Variants in NR5A2 observed in about 807,000 individuals in gnomAD.
NR5A2 encodes the protein nuclear receptor subfamily 5 group A member 2.
NR5A2 carries 26 observed loss-of-function variants against 62.7 expected under a neutral mutation model. The ratio of observed to expected loss-of-function variants is 0.41; its 90% CI spans 0.30 to 0.58. The LOEUF is 0.58. Ranked by LOEUF, NR5A2 falls within the 20% of genes least tolerant of loss-of-function variation. The pLI is 0.22. For missense variants in NR5A2, 541 were observed against 669.1 expected (o/e 0.81, Z 2.11); for synonymous variants, 246 against 241.7 (o/e 1.02, Z -0.16).
At chr1:200,111,597 G>A (rs539397239) in intron 6 of NR5A2, among the ~76,000 whole-genome samples, 14 of 152,290 alleles carry the variant, frequency 9.2e-5, no homozygotes, top group Admixed American at 2.6e-4. Flanking sequence ...TAAATGAAAC[G>A]TAATGATTAG....
intron 5 of NR5A2, among the ~76,000 whole-genome samples, chr1:200,077,246 T>C (rs546310441): frequency 6.6e-6 from 1 of 152,360 alleles, no homozygotes; most frequent in South Asian, 2.1e-4. Context: ...TTAAGGGTCA[T>C]ACAACAAAAT....
At chr1:200,029,243 G>A (rs1326581217) in intron 1 of NR5A2, 4 of 202,280 alleles carry the variant, frequency 2.0e-5, no homozygotes, top group South Asian at 8.2e-5. Context: ...GCGCTCGGGG[G>A]CTCGCGCCCG....
chr1:200,055,819 T>G (rs570056518), intron 5 of NR5A2, among the ~76,000 whole-genome samples: 1 of 152,358 alleles, frequency 6.6e-6, no homozygotes, highest in South Asian at 2.1e-4. Flanking sequence ...TCAAGGCACA[T>G]TAAGCCATCT....
intron 5 of NR5A2, among the ~76,000 whole-genome samples, chr1:200,053,856 A>G (rs1662781203): frequency 6.6e-6 from 1 of 152,150 alleles, no homozygotes; most frequent in African/African-American, 2.4e-5. Context: ...CTGGGCCTTG[A>G]GTTTCTGAAG....
At chr1:200,106,493 CTGA>C (rs1407915492) in intron 5 of NR5A2, among the ~76,000 whole-genome samples, 2 of 152,164 alleles carry the variant, frequency 1.3e-5, no homozygotes, top group Non-Finnish European at 2.9e-5. Flanking sequence ...AATAGTTTCT[CTGA>C]TAAGTAACTA....
intron 5 of NR5A2, among the ~76,000 whole-genome samples, chr1:200,066,668 ACC>A (rs1342217626): frequency 6.9e-6 from 1 of 145,136 alleles, no homozygotes; most frequent in Non-Finnish European, 1.5e-5. Flanking sequence ...GCTCACAGCA[ACC>A]TCTGCCTCCT....
intron 6 of NR5A2, among the ~76,000 whole-genome samples, chr1:200,119,913 CT>C (rs200964817): frequency 1.9e-3 from 269 of 143,726 alleles, no homozygotes; most frequent in Middle Eastern, 3.6e-3. Flanking sequence ...CCGGCCAGCA[CT>C]TTTTTTTTTT....
chr1:200,111,268 C>T lies in NR5A2; in HGVS notation c.1177C>T (p.Arg393Ter), dbSNP rs201357988. 3 of 1,611,686 alleles carry T rather than the reference C, an allele frequency of 1.9e-6. No individual in the cohort carries two copies. Among genetic ancestry groups the T allele is most frequent in the South Asian group, 1.1e-5 (1 of 91,028 alleles). ...GCTCTTAATCCTCGACCACATTTAC[C>T]GACAAGTGGTACATGGAAAGGAAGG... is the stretch of plus-strand genomic sequence containing the variant. Reference protein sequence around the residue: ...SELLILDHIYRQVVHGKEGSI... With the variant: ...SELLILDHIY The change falls in exon 6 of 8, where the codon CGA (arginine) becomes TGA (stop). Residue 393 changes from arginine to a stop codon, truncating the protein, a stop_gained. Coordinates refer to ENST00000367362, the MANE Select transcript of NR5A2 (RefSeq NM_205860.3). LOFTEE classifies it high-confidence loss of function.
At chr1:200,091,691 G>A (rs1571457796) in intron 5 of NR5A2, among the ~76,000 whole-genome samples, 1 of 152,014 alleles carries the variant, frequency 6.6e-6, no homozygotes, top group Non-Finnish European at 1.5e-5. Context: ...CACCATGTTG[G>A]TGAGGATGGT....
chr1:200,156,769 G>A (rs1031145627), intron 7 of NR5A2, among the ~76,000 whole-genome samples: 1 of 152,204 alleles, frequency 6.6e-6, no homozygotes, highest in African/African-American at 2.4e-5. Context: ...TATAAAATAA[G>A]TTTTTGGTTA....
intron 5 of NR5A2, among the ~76,000 whole-genome samples, chr1:200,085,588 T>C (rs1002835445): frequency 6.6e-6 from 1 of 151,332 alleles, no homozygotes; most frequent in Non-Finnish European, 1.5e-5. Flanking sequence ...TAGAGTGCAG[T>C]GTGCTAGAAT....
rs1400170285 is a variant in NR5A2, at chr1:200,059,233, G to A, written c.1110+10415G>A. Among the ~76,000 whole-genome samples the A allele has an allele frequency of 2.0e-5, 3 of 152,244 alleles. No homozygotes were observed. The East Asian group carries it at 5.8e-4, about 29-fold the overall frequency. On this transcript the variant is annotated intron_variant, in intron 5 of 7. Coordinates refer to ENST00000367362, the MANE Select transcript of NR5A2 (RefSeq NM_205860.3). ...GTTGCAGAGACTTCAGCCTCATTTTGCAAAACCAGGCTATATATAATTGGA... is the reference window on the plus strand; with the variant it reads ...GTTGCAGAGACTTCAGCCTCATTTTACAAAACCAGGCTATATATAATTGGA...
intron 5 of NR5A2, among the ~76,000 whole-genome samples, chr1:200,073,239 T>C (rs907765518): frequency 3.1e-4 from 20 of 65,202 alleles, no homozygotes; most frequent in East Asian, 6.9e-4. Context: ...TACATACATA[T>C]ATATATATAT....
chr1:200,170,664 G>A (rs1524163), intron 7 of NR5A2, among the ~76,000 whole-genome samples: 64,319 of 151,980 alleles, frequency 0.42, 13,913 homozygotes, highest in African/African-American at 0.52. Context: ...ACTGATTCCA[G>A]TCCAAATGAG....
intron 5 of NR5A2, among the ~76,000 whole-genome samples, chr1:200,090,932 C>T (rs534686635): frequency 8.5e-5 from 13 of 152,312 alleles, no homozygotes; most frequent in African/African-American, 3.1e-4. Context: ...TCAGCATTGT[C>T]TTAACCTGTG....
chr1:200,085,914 A>G (rs996751737), intron 5 of NR5A2, among the ~76,000 whole-genome samples: 3 of 152,222 alleles, frequency 2.0e-5, no homozygotes, highest in African/African-American at 7.2e-5. Flanking sequence ...TGCATTTGAT[A>G]TCTCTATACT....
In NR5A2 at chr1:200,034,783, C is replaced by CTTTTTTTTTTTT. The variant is rs767393832; in HGVS notation, c.65-4855_65-4844dup. ...GTTATTCACACGTGCAGCAGAAAGG[C>CTTTTTTTTTTTT]TTTTTTTTTTTTTTTTTTTTTTTTT... On this transcript the variant is annotated intron_variant, in intron 1 of 7. Coordinates refer to ENST00000367362, the MANE Select transcript of NR5A2 (RefSeq NM_205860.3). Among the ~76,000 whole-genome samples the CTTTTTTTTTTTT allele has an allele frequency of 3.8e-4, 27 of 71,280 alleles. 1 individual carries two copies. The highest frequency in any genetic ancestry group is 1.4e-3 in the African/African-American group (27 of 18,904). 46.8% of individuals were successfully genotyped at this position (71,280 alleles called of 152,430 possible).
intron 5 of NR5A2, among the ~76,000 whole-genome samples, chr1:200,073,278 ATATATATATATATTCCCCTT>A (rs1232728358): frequency 2.6e-4 from 27 of 102,958 alleles, no homozygotes; most frequent in African/African-American, 5.6e-4. Context: ...TTATATATAT[ATATATATATATATTCCCCTT>A]TATATATATA....
chr1:200,073,235 C>CATAT lies in NR5A2; in HGVS notation c.1110+24440_1110+24443dup, dbSNP rs3033980. Among the ~76,000 whole-genome samples, 842 of 105,896 alleles carry CATAT rather than the reference C, an allele frequency of 8.0e-3. 24 individuals carry two copies. The highest frequency in any genetic ancestry group is 0.021 in the South Asian group (67 of 3,118). 69.5% of individuals were successfully genotyped at this position (105,896 alleles called of 152,430 possible). A position where few individuals can be genotyped will look rare whatever the true frequency, so the allele number is the denominator to read the frequency against. On this transcript the variant is annotated intron_variant, in intron 5 of 7. Transcript: ENST00000367362. The stretch of plus-strand genomic sequence containing the variant: ...TGACTTTGGTCAAAGCATTTACATA[C>CATAT]ATATATATATATATATATATATATA...
Sources: allele counts gnomAD v4.1 joint callset (sites outside exome capture counted in the v4.1 genomes callset), GRCh38; gene constraint gnomAD v4.1.1; transcripts MANE v1.5; gene names NCBI Gene and HGNC (gene_info 2026-07-23, HGNC 2026-07-21).